The following INO80 variants were observed in gnomAD, a reference collection of about 807,000 sequenced individuals.
INO80 encodes chromatin-remodeling ATPase INO80.
In INO80, 20 loss-of-function variants were observed where a neutral mutation model predicts 203.4. The ratio of observed to expected loss-of-function variants is 0.10; its 90% CI spans 0.07 to 0.14. INO80 has a LOEUF of 0.14. INO80 is among the 10% of genes least tolerant of loss of function. INO80 has a pLI of 1.00. For missense variants in INO80, 1,419 were observed against 1,914.4 expected, an observed-to-expected ratio of 0.74 and a Z score of 4.83; for synonymous variants, 726 against 685.2, an observed-to-expected ratio of 1.06 and a Z score of -0.93.
chr15:41,000,262 T>C (rs2043940966), intron 28 of INO80, among the ~76,000 whole-genome samples: 1 of 152,158 alleles, frequency 6.6e-6, no homozygotes, highest in Admixed American at 6.5e-5. Flanking sequence ...GACTTTTTTT[T>C]GTTAATTCTT....
chr15:41,097,606 G>A (rs2045744915), intron 1 of INO80, among the ~76,000 whole-genome samples: 1 of 151,048 alleles, frequency 6.6e-6, no homozygotes, highest in Non-Finnish European at 1.5e-5. Flanking sequence ...CCAAGTAGCT[G>A]GGATTACAGG....
chr15:41,085,611 G>C (rs1299197554), intron 6 of INO80, 28 bp from the exon 7 acceptor site: 2 of 1,587,956 alleles, frequency 1.3e-6, no homozygotes, highest in Non-Finnish European at 1.7e-6. Context: ...GCAACAGGTT[G>C]CACTTCCACA....
chr15:41,054,590 T>C (rs928040030), intron 18 of INO80, among the ~76,000 whole-genome samples: 1 of 152,186 alleles, frequency 6.6e-6, no homozygotes, highest in South Asian at 2.1e-4. Context: ...GAAAAAAGCT[T>C]TGACCCATTA....
intron 18 of INO80, among the ~76,000 whole-genome samples, chr15:41,054,928 A>G (rs2044955786): frequency 6.6e-6 from 1 of 152,106 alleles, no homozygotes; most frequent in Admixed American, 6.6e-5. Flanking sequence ...GTGAGCCACC[A>G]TGCCTGGCCA....
Position 41,070,671 on chromosome 15 carries a change from C to A in INO80, c.1606-124G>T, listed in dbSNP as rs1048453684. 1.6e-5 allele frequency: 12 copies of A among 765,090 alleles called. No individual in the cohort carries two copies. In the African/African-American group the frequency reaches 1.7e-4, roughly 11 times the overall value. The allele number at this position is 765,090 out of a possible 1,614,324, so 47.4% of individuals were successfully genotyped here. ...AGAGAAGTGACCAGAGATACTCAGC[C>A]TCAGCACTTTTACCCACTGCTATAG... is the stretch of plus-strand genomic sequence containing the variant. On this transcript the variant is annotated intron_variant, in intron 12 of 35. Transcript: ENST00000648947.
In INO80 at chr15:41,003,329, C is replaced by CTTTTTTTTTTTTTTTTTT. The variant is rs771356698; in HGVS notation, c.3497+2263_3497+2264insAAAAAAAAAAAAAAAAAA. ...TGGGATTGTGGGTGATTTTTCTTTT[C>CTTTTTTTTTTTTTTTTTT]TTTTCTTTTTTTTTTTTTTGAGATG... On this transcript the variant is annotated intron_variant, in intron 28 of 35. Coordinates refer to ENST00000648947, the MANE Select transcript of INO80 (RefSeq NM_017553.3). Among the ~76,000 whole-genome samples the CTTTTTTTTTTTTTTTTTT allele has an allele frequency of 1.9e-5, 2 of 107,576 alleles. 1 individual carries two copies. The allele number at this position is 107,576 out of a possible 152,430, so 70.6% of individuals were successfully genotyped here.
At chr15:41,012,633 CTA>C (rs946149137) in intron 27 of INO80, among the ~76,000 whole-genome samples, 6 of 144,780 alleles carry the variant, frequency 4.1e-5, no homozygotes, top group African/African-American at 1.5e-4. Flanking sequence ...ATTTATTGAT[CTA>C]TGATTTCCTC....
chr15:41,071,613 C>T (rs2045318186), intron 12 of INO80, among the ~76,000 whole-genome samples: 1 of 151,722 alleles, frequency 6.6e-6, no homozygotes, highest in Admixed American at 6.6e-5. Context: ...CACCACCATG[C>T]CAGGCTAATT....
intron 1 of INO80, among the ~76,000 whole-genome samples, chr15:41,101,830 G>A (rs866837884): frequency 4.6e-5 from 7 of 151,694 alleles, no homozygotes; most frequent in Admixed American, 2.6e-4. Flanking sequence ...GATTACAGGC[G>A]TGAGCCACCG....
At chr15:41,112,802 A>C (rs1057203495) in intron 1 of INO80, among the ~76,000 whole-genome samples, 3 of 151,194 alleles carry the variant, frequency 2.0e-5, no homozygotes, top group Non-Finnish European at 1.5e-5. Context: ...AAAAAAAAAA[A>C]AAAAAAAAAA....
At chr15:41,000,235 G>C (rs1185340277) in intron 28 of INO80, among the ~76,000 whole-genome samples, 1 of 152,124 alleles carries the variant, frequency 6.6e-6, no homozygotes, top group Non-Finnish European at 1.5e-5. Context: ...GAGTTGATGG[G>C]GTCATCCAAT....
Position 40,987,577 on chromosome 15 carries a change from T to C in INO80, c.3729+239A>G, listed in dbSNP as rs144496879. 5.6e-4 allele frequency among the ~76,000 whole-genome samples: 86 copies of C among 152,280 alleles called. 1 individual carries two copies. Among genetic ancestry groups the C allele is most frequent in the African/African-American group, 2.0e-3 (84 of 41,558 alleles). On this transcript the variant is annotated intron_variant, in intron 30 of 35. Transcript: ENST00000648947. ...GCCATTACCGGTGTCAGTCTCCACA[T>C]GAACAACAGCTGGATCCAGGCTATG...
intron 5 of INO80, among the ~76,000 whole-genome samples, chr15:41,089,413 A>C (rs2045602744): frequency 6.6e-6 from 1 of 152,158 alleles, no homozygotes; most frequent in African/African-American, 2.4e-5. Flanking sequence ...TAGGTCTTCA[A>C]ATATACTATT....
intron 21 of INO80, 35 bp from the exon 22 acceptor site, chr15:41,048,311 A>C (rs1214719918): frequency 6.6e-7 from 1 of 1,510,518 alleles, no homozygotes; most frequent in Admixed American, 1.7e-5. Flanking sequence ...AGCCAAACCC[A>C]AACATAAATA....
intron 1 of INO80, among the ~76,000 whole-genome samples, chr15:41,097,066 A>AC (rs1047104997): frequency 2.6e-5 from 4 of 152,180 alleles, no homozygotes; most frequent in African/African-American, 9.7e-5. Context: ...AATCAGTATA[A>AC]CAACGCTTCT....
intron 14 of INO80, among the ~76,000 whole-genome samples, chr15:41,067,229 A>G (rs1366548217): frequency 6.6e-6 from 1 of 152,078 alleles, no homozygotes; most frequent in Non-Finnish European, 1.5e-5. Context: ...GGCGCCCGCC[A>G]TAACACCTGG....
intron 24 of INO80, among the ~76,000 whole-genome samples, chr15:41,038,139 G>A (rs2044611328): frequency 1.4e-5 from 2 of 144,574 alleles, no homozygotes; most frequent in South Asian, 4.6e-4. Context: ...CTCAGCCTCC[G>A]TAGTAGCTGG....
chr15:41,116,179 G>A lies in INO80; in HGVS notation c.-250C>T. ...CCAAGATGGCGGCGGCGCTGAGGCG[G>A]CTGCGGGCGCTGGGCCGGCGGCGGC... On this transcript the variant is annotated 5_prime_UTR_variant, in exon 1 of 36. Coordinates refer to ENST00000648947, the MANE Select transcript of INO80 (RefSeq NM_017553.3). 1 of 407,838 alleles carries A rather than the reference G, an allele frequency of 2.5e-6. No homozygotes were observed. Among genetic ancestry groups the A allele is most frequent in the Non-Finnish European group, 4.3e-6 (1 of 234,068 alleles). The allele number at this position is 407,838 out of a possible 1,614,324, so 25.3% of individuals were successfully genotyped here. A position where few individuals can be genotyped will look rare whatever the true frequency, so the allele number is the denominator to read the frequency against.
At chr15:41,058,843 T>C (rs1305493097) in intron 15 of INO80, 62 bp from the exon 16 acceptor site, 12 of 1,514,070 alleles carry the variant, frequency 7.9e-6, no homozygotes, top group Non-Finnish European at 1.1e-5. Flanking sequence ...AAGGAACTGA[T>C]GTATGGACTG....
Sources: gnomAD v4.1 joint callset for allele counts (sites outside exome capture counted in the v4.1 genomes callset) on GRCh38, gnomAD v4.1.1 for gene constraint, MANE v1.5 for transcripts, NCBI Gene and HGNC (gene_info 2026-07-23, HGNC 2026-07-21) for gene names.